Variants in PCF11 observed in about 807,000 individuals in gnomAD.
PCF11 encodes the protein PCF11 cleavage and polyadenylation factor subunit.
Under a neutral mutation model 166.1 loss-of-function variants are expected in PCF11, and 19 were observed. The ratio of observed to expected loss-of-function variants is 0.11; its 90% CI spans 0.08 to 0.17. The LOEUF (loss-of-function observed/expected upper bound fraction) is 0.17. PCF11 is among the 10% of genes least tolerant of loss of function. PCF11 has a pLI of 1.00. For synonymous variants in PCF11, 663 were observed against 644.1 expected, an observed-to-expected ratio of 1.03 and a Z score of -0.44; for missense variants, 1,565 against 1,855.5, an observed-to-expected ratio of 0.84 and a Z score of 2.88.
exon 8 of PCF11, chr11:83,168,660 A>G: frequency 6.2e-7 from 1 of 1,613,980 alleles, no homozygotes. Context: ...GACCCAATAA[A>G]TTAAGCCCTC....
intron 9 of PCF11, among the ~76,000 whole-genome samples, chr11:83,174,070 C>G (rs1188555166): frequency 6.6e-6 from 1 of 152,082 alleles, no homozygotes; most frequent in Non-Finnish European, 1.5e-5. Flanking sequence ...TGTATGTGTA[C>G]AGGACATAGC....
Position 83,167,105 on chromosome 11 carries a change from T to C in PCF11, c.1818-20T>C. ...TTTAAAAAAACATTTCAATGTAACA[T>C]ACTGCTTTTATGGTTTCAGCTTACA... is the stretch of plus-strand genomic sequence containing the variant. On this transcript the variant is annotated intron_variant, in intron 5 of 15. Transcript: ENST00000298281. This position sits in a 1 kb window ranked among gnomAD's most constrained non-coding sequence, Gnocchi z 4.2. 6.3e-7 allele frequency: 1 copy of C among 1,581,644 alleles called. No homozygotes were observed. The highest frequency in any genetic ancestry group is 1.2e-5 in the South Asian group (1 of 86,740).
At chr11:83,171,158 A>G (rs1860675143) in intron 8 of PCF11, 1 of 355,392 alleles carries the variant, frequency 2.8e-6, no homozygotes. Flanking sequence ...TTTGTATGCC[A>G]GTATAGTTCT....
exon 5 of PCF11, chr11:83,165,987 T>A: frequency 6.3e-7 from 1 of 1,596,504 alleles, no homozygotes. Flanking sequence ...AGATTCTAAA[T>A]CGAAATCGAA....
At chr11:83,166,630 G>A (rs1231281058) in exon 5 of PCF11, 1 of 1,612,912 alleles carries the variant, frequency 6.2e-7, no homozygotes. Flanking sequence ...ACAAAGTCAG[G>A]CACTGAACCA....
chr11:83,163,904 A>C lies in PCF11; in HGVS notation c.507+37A>C, dbSNP rs1295374662. On this transcript the variant is annotated intron_variant, in intron 3 of 15. Coordinates refer to ENST00000298281, the Ensembl canonical transcript of PCF11. Reference sequence around the variant, plus strand: ...TATGAATAGTAAGTAACATACTTTTAAGTATCACATTTTGAATTCTTCTGC... The same window carrying C: ...TATGAATAGTAAGTAACATACTTTTCAGTATCACATTTTGAATTCTTCTGC... 5.3e-6 allele frequency: 5 copies of C among 943,036 alleles called. No individual in the cohort carries two copies. In the South Asian group the frequency reaches 1.0e-4, roughly 20 times the overall value. 58.4% of individuals were successfully genotyped at this position (943,036 alleles called of 1,614,324 possible). A position where few individuals can be genotyped will look rare whatever the true frequency, so the allele number is the denominator to read the frequency against.
chr11:83,160,869 C>T (rs544029077), intron 1 of PCF11, among the ~76,000 whole-genome samples: 1 of 152,256 alleles, frequency 6.6e-6, no homozygotes, highest in South Asian at 2.1e-4. Context: ...GTAACAAAAG[C>T]TTCATAGACT....
intron 11 of PCF11, 58 bp from the exon 12 acceptor site, chr11:83,180,950 T>G (rs942676274): frequency 1.0e-6 from 1 of 983,724 alleles, no homozygotes; most frequent in African/African-American, 1.6e-5. Flanking sequence ...TGTAATTGGC[T>G]TTTAAAGGCC....
At chr11:83,163,997 A>G (rs978822682) in intron 3 of PCF11, 130 bp downstream of exon 3, 2 of 589,680 alleles carry the variant, frequency 3.4e-6, no homozygotes, top group Non-Finnish European at 5.7e-6. Flanking sequence ...AAAAAAAAAA[A>G]AATAGTGTGT....
exon 8 of PCF11, chr11:83,168,989 C>T (rs1221038344): frequency 6.2e-7 from 1 of 1,613,714 alleles, no homozygotes; most frequent in South Asian, 1.1e-5. Flanking sequence ...CGTGGTCAAC[C>T]TGTGGGTGGT....
intron 8 of PCF11, chr11:83,171,345 G>C (rs1237824127): frequency 4.4e-6 from 2 of 451,300 alleles, no homozygotes; most frequent in South Asian, 3.1e-5. Context: ...CTGTGGAAAA[G>C]TGGCAAGGGT....
At chr11:83,184,787 C>T (rs1285033724) in exon 16 of PCF11, 2 of 1,610,544 alleles carry the variant, frequency 1.2e-6, no homozygotes, top group Non-Finnish European at 1.7e-6. Flanking sequence ...CTGTGACAGT[C>T]CCAAAGTTAA....
intron 12 of PCF11, among the ~76,000 whole-genome samples, 176 bp downstream of exon 12, chr11:83,181,367 AAC>A (rs1861077573): frequency 6.6e-6 from 1 of 151,478 alleles, no homozygotes; most frequent in South Asian, 2.1e-4. Context: ...CTAGAATATA[AAC>A]AGATTTTTTA....
intron 2 of PCF11, among the ~76,000 whole-genome samples, chr11:83,163,023 G>A (rs1460180007): frequency 1.3e-5 from 2 of 152,114 alleles, no homozygotes; most frequent in Admixed American, 6.5e-5. Flanking sequence ...CACCTGCCTC[G>A]GCCTCTCAAA....
At chr11:83,165,090 A>C (rs536137134) in intron 4 of PCF11, among the ~76,000 whole-genome samples, 7 of 152,230 alleles carry the variant, frequency 4.6e-5, no homozygotes, top group Admixed American at 6.5e-5. Context: ...TAAGGAGGCC[A>C]GGAAGATTAT....
exon 8 of PCF11, chr11:83,168,759 G>T (rs749536995): frequency 6.8e-6 from 11 of 1,613,660 alleles, no homozygotes; most frequent in Admixed American, 1.7e-5. Flanking sequence ...GATTTGAGGG[G>T]CCACAAGGTC....
chr11:83,170,953 C>A (rs960134804), intron 8 of PCF11, among the ~76,000 whole-genome samples: 3 of 152,148 alleles, frequency 2.0e-5, no homozygotes, highest in Non-Finnish European at 4.4e-5. Context: ...AGAAATGATA[C>A]TCTTATTGAC....
chr11:83,166,182 A>C (rs1860448184), exon 5 of PCF11: 1 of 1,606,558 alleles, frequency 6.2e-7, no homozygotes, highest in Non-Finnish European at 8.5e-7. Context: ...TGCAGAAAAA[A>C]AGGATAAAGA....
chr11:83,177,050 AGTG>A, intron 9 of PCF11, 32 bp from the exon 10 acceptor site: 1 of 1,410,902 alleles, frequency 7.1e-7, no homozygotes, highest in Non-Finnish European at 9.3e-7. Flanking sequence ...TCACTTCAAA[AGTG>A]GTTTTTTTTC....
Sources: allele counts gnomAD v4.1 joint callset (sites outside exome capture counted in the v4.1 genomes callset), GRCh38; gene constraint gnomAD v4.1.1; non-coding constraint Gnocchi (gnomAD v3.1); transcripts MANE v1.5; gene names NCBI Gene and HGNC (gene_info 2026-07-23, HGNC 2026-07-21).